The following CTNND2 variants were observed in gnomAD, a reference collection of about 807,000 sequenced individuals.
CTNND2 encodes catenin delta 2, also known as catenin delta-2.
In CTNND2, 22 loss-of-function variants were observed where a neutral mutation model predicts 144.4. The observed-to-expected ratio is 0.15, with a 90% CI of 0.11 to 0.22. The LOEUF is 0.22. Among genes scored for constraint, CTNND2 ranks in the 10% least tolerant of loss-of-function variants. The pLI is 1.00. For missense variants in CTNND2, 1,353 were observed against 1,618.8 expected (o/e 0.84, Z 2.82); for synonymous variants, 751 against 695.6 (o/e 1.08, Z -1.25).
intron 3 of CTNND2, among the ~76,000 whole-genome samples, chr5:11,538,609 T>C (rs1276148447): frequency 1.3e-5 from 2 of 152,178 alleles, no homozygotes; most frequent in African/African-American, 2.4e-5. Flanking sequence ...AACATGGCAA[T>C]TGAGAAACTT....
intron 18 of CTNND2, among the ~76,000 whole-genome samples, chr5:11,004,100 G>A (rs889522739): frequency 1.6e-4 from 24 of 152,342 alleles, no homozygotes; most frequent in African/African-American, 5.5e-4. Flanking sequence ...ACCGCTAGGA[G>A]TTAATAGGTA....
chr5:11,611,998 A>T (rs1780355605), intron 2 of CTNND2, among the ~76,000 whole-genome samples: 1 of 152,192 alleles, frequency 6.6e-6, no homozygotes, highest in African/African-American at 2.4e-5. Flanking sequence ...GAAATATTTG[A>T]CATTAAAAGC....
chr5:11,651,884 A>AT (rs1211246145), intron 2 of CTNND2, among the ~76,000 whole-genome samples: 5 of 151,936 alleles, frequency 3.3e-5, no homozygotes, highest in South Asian at 2.1e-4. Context: ...TATTTTATTT[A>AT]TTTTTTTTAT....
intron 16 of CTNND2, among the ~76,000 whole-genome samples, chr5:11,063,016 A>G (rs897760325): frequency 5.9e-5 from 9 of 152,186 alleles, no homozygotes; most frequent in African/African-American, 1.9e-4. Context: ...ACCTTCAACA[A>G]GATTGAAGGA....
At chr5:11,405,260 GT>G (rs1204607825) in intron 5 of CTNND2, among the ~76,000 whole-genome samples, 4 of 152,150 alleles carry the variant, frequency 2.6e-5, no homozygotes, top group Non-Finnish European at 5.9e-5. Context: ...AATTTGCATT[GT>G]TTTCTCATAT....
Position 11,860,236 on chromosome 5 carries a change from T to C in CTNND2, c.37+43581A>G, listed in dbSNP as rs559265265. On this transcript the variant is annotated intron_variant, in intron 1 of 21. Coordinates refer to ENST00000304623, the MANE Select transcript of CTNND2 (RefSeq NM_001332.4). ...TTTTAAGCAAAATAGCACCCACATT[T>C]CCCATACACAATGCTTTTTACAGAT... is the stretch of plus-strand genomic sequence containing the variant. Among the ~76,000 whole-genome samples the C allele has an allele frequency of 3.3e-5, 5 of 152,342 alleles. No individual in the cohort carries two copies. The South Asian group carries it at 1.0e-3, about 32-fold the overall frequency.
chr5:11,044,770 A>C (rs1745060743), intron 16 of CTNND2, among the ~76,000 whole-genome samples: 1 of 152,200 alleles, frequency 6.6e-6, no homozygotes, highest in African/African-American at 2.4e-5. Flanking sequence ...GTGGTGCTCA[A>C]AGGAAACTGT....
At position 11,855,125 on chromosome 5, in the gene CTNND2, C is replaced by T. The variant is rs555662109; in HGVS notation, c.37+48692G>A. Among the ~76,000 whole-genome samples, 50 of 152,240 alleles carry T rather than the reference C, an allele frequency of 3.3e-4. 1 individual carries two copies. The highest frequency in any genetic ancestry group is 6.0e-4 in the Non-Finnish European group (41 of 68,006). ...ATCAAGCATAAAAAACCTGTAATGC[C>T]GGAGGGCAGCCTTAAACCAGGGATT... On this transcript the variant is annotated intron_variant, in intron 1 of 21. Coordinates refer to ENST00000304623, the MANE Select transcript of CTNND2 (RefSeq NM_001332.4).
At position 11,059,885 on chromosome 5, in the gene CTNND2, C is replaced by T. The variant is rs532126881; in HGVS notation, c.2788+22811G>A. ...GTATATATATAGATATACCCATACA[C>T]ATGAATATATACATTCATACCATAT... On this transcript the variant is annotated intron_variant, in intron 16 of 21. Coordinates refer to ENST00000304623, the MANE Select transcript of CTNND2 (RefSeq NM_001332.4). 3.9e-5 allele frequency among the ~76,000 whole-genome samples: 6 copies of T among 152,044 alleles called. No individual in the cohort carries two copies. The South Asian group carries it at 1.0e-3, about 26-fold the overall frequency.
chr5:11,360,847 C>A (rs1756375175), intron 8 of CTNND2, among the ~76,000 whole-genome samples: 1 of 152,150 alleles, frequency 6.6e-6, no homozygotes, highest in South Asian at 2.1e-4. Context: ...TCCGCCAGTA[C>A]ATCTAGCACA....
chr5:11,447,852 T>C (rs1014474093), intron 3 of CTNND2, among the ~76,000 whole-genome samples: 4 of 152,146 alleles, frequency 2.6e-5, no homozygotes, highest in Admixed American at 6.5e-5. Context: ...CTGAAGAAAA[T>C]TGCTTTGTGA....
intron 2 of CTNND2, among the ~76,000 whole-genome samples, chr5:11,723,449 A>C (rs1051910947): frequency 6.6e-6 from 1 of 152,188 alleles, no homozygotes; most frequent in Admixed American, 6.5e-5. Context: ...AGGCAGCCCA[A>C]ATGGAAGATC....
At position 11,733,705 on chromosome 5, in the gene CTNND2, C is replaced by T. The variant is rs184979264; in HGVS notation, c.38-1433G>A. On this transcript the variant is annotated intron_variant, in intron 1 of 21. Transcript: ENST00000304623. ...TTCCTAGTCCATGACAGACAGCAGA[C>T]AAAAACTGGCAAGGCCATTTGCCAT... Among the ~76,000 whole-genome samples, 857 of 152,274 alleles carry T rather than the reference C, an allele frequency of 5.6e-3. 4 individuals carry two copies. Among genetic ancestry groups the T allele is most frequent in the Non-Finnish European group, 9.9e-3 (671 of 68,018 alleles).
Position 10,973,259 on chromosome 5 carries a change from C to T in CTNND2, c.*194G>A. On this transcript the variant is annotated 3_prime_UTR_variant, in exon 22 of 22. Coordinates refer to ENST00000304623, the MANE Select transcript of CTNND2 (RefSeq NM_001332.4). The surrounding 1 kb of genome is among the most constrained non-coding windows in gnomAD (Gnocchi z 5.6). ...TATTTAGGATCACTTTAGCTTTCTA[C>T]TGATTTCCAAGTTAACTTGCGATTC... is the stretch of plus-strand genomic sequence containing the variant. 1 of 584,610 alleles carries T rather than the reference C, an allele frequency of 1.7e-6. No individual in the cohort carries two copies. Among genetic ancestry groups the T allele is most frequent in the African/African-American group, 1.9e-5 (1 of 53,292 alleles). The allele number at this position is 584,610 out of a possible 1,614,324, so 36.2% of individuals were successfully genotyped here.
chr5:11,689,260 C>A (rs1368318454), intron 2 of CTNND2, among the ~76,000 whole-genome samples: 2 of 151,958 alleles, frequency 1.3e-5, no homozygotes, highest in Non-Finnish European at 2.9e-5. Context: ...TCTTAATCTG[C>A]AAAAATGGGA....
chr5:11,804,212 G>A lies in CTNND2; in HGVS notation c.38-71940C>T, dbSNP rs181366378. ...AAACCTGACAGTAACAGTTACTGTC[G>A]AGGATACAGCACAACAGGCCCTCTC... is the stretch of plus-strand genomic sequence containing the variant. On this transcript the variant is annotated intron_variant, in intron 1 of 21. Coordinates refer to ENST00000304623, the MANE Select transcript of CTNND2 (RefSeq NM_001332.4). Among the ~76,000 whole-genome samples the A allele has an allele frequency of 9.2e-5, 14 of 152,184 alleles. No homozygotes were observed. In the East Asian group the frequency reaches 9.7e-4, roughly 10 times the overall value.
At chr5:11,253,285 C>T (rs906862196) in intron 9 of CTNND2, among the ~76,000 whole-genome samples, 1 of 152,078 alleles carries the variant, frequency 6.6e-6, no homozygotes, top group African/African-American at 2.4e-5. Context: ...TTGTGAGTTA[C>T]CTGTGATTTA....
Position 11,580,453 on chromosome 5 carries a change from G to A in CTNND2, c.175-15397C>T, listed in dbSNP as rs114846995. 6.7e-3 allele frequency among the ~76,000 whole-genome samples: 1,025 copies of A among 152,268 alleles called. 7 individuals carry two copies. Among genetic ancestry groups the A allele is most frequent in the African/African-American group, 0.023 (955 of 41,532 alleles). On this transcript the variant is annotated intron_variant, in intron 2 of 21. Transcript: ENST00000304623. ...TGTTTTCAAAATTCACATCTTACCT[G>A]CAGAAACCTTAGCATGCAGAAAAAT... is the stretch of plus-strand genomic sequence containing the variant.
chr5:11,819,328 G>T (rs1793189878), intron 1 of CTNND2, among the ~76,000 whole-genome samples: 1 of 152,102 alleles, frequency 6.6e-6, no homozygotes, highest in African/African-American at 2.4e-5. Flanking sequence ...CAGCTACTCG[G>T]GAGGCTGAGG....
Sources: gnomAD v4.1 joint callset for allele counts (sites outside exome capture counted in the v4.1 genomes callset) on GRCh38, gnomAD v4.1.1 for gene constraint, Gnocchi (gnomAD v3.1) non-coding constraint, MANE v1.5 for transcripts, NCBI Gene and HGNC (gene_info 2026-07-23, HGNC 2026-07-21) for gene names.